Variants in ZDHHC2 observed in about 807,000 individuals in gnomAD.
ZDHHC2 encodes palmitoyltransferase ZDHHC2.
Under a neutral mutation model 55.6 loss-of-function variants are expected in ZDHHC2, and 51 were observed. The observed-to-expected ratio is 0.92, with a 90% CI of 0.73 to 1.16. ZDHHC2 has a LOEUF of 1.16. ZDHHC2 is among the 50% of genes most tolerant of loss of function. The pLI, the probability that ZDHHC2 is intolerant of heterozygous loss-of-function variation, is 0.00. For missense variants in ZDHHC2, 491 were observed against 442.4 expected (o/e 1.11, Z -0.99); for synonymous variants, 199 against 152.9 (o/e 1.30, Z -2.22).
At chr8:17,165,014 T>C (rs1804534554) in intron 1 of ZDHHC2, among the ~76,000 whole-genome samples, 1 of 152,162 alleles carries the variant, frequency 6.6e-6, no homozygotes, top group Admixed American at 6.5e-5. Context: ...TCACCAGATT[T>C]GTAGGGATGT....
intron 7 of ZDHHC2, among the ~76,000 whole-genome samples, chr8:17,207,477 T>G (rs2150941322): frequency 6.6e-6 from 1 of 152,304 alleles, no homozygotes; most frequent in South Asian, 2.1e-4. Context: ...ATGTATTCAT[T>G]TAGTTGATGC....
chr8:17,195,715 A>C, intron 4 of ZDHHC2, 91 bp downstream of exon 4: 1 of 1,494,636 alleles, frequency 6.7e-7, no homozygotes, highest in Admixed American at 1.9e-5. Flanking sequence ...TTGAAATGGT[A>C]AAACACTCAT....
chr8:17,184,416 T>C (rs555492098), intron 1 of ZDHHC2, among the ~76,000 whole-genome samples: 2 of 152,328 alleles, frequency 1.3e-5, no homozygotes, highest in East Asian at 3.9e-4. Flanking sequence ...TCAAGAGCAA[T>C]AAATGCCTGC....
intron 6 of ZDHHC2, 85 bp from the exon 7 acceptor site, chr8:17,205,570 G>A: frequency 1.5e-6 from 2 of 1,366,722 alleles, no homozygotes; most frequent in South Asian, 1.8e-5. Flanking sequence ...TTAGAAGTGA[G>A]AGGAAGCTAA....
At chr8:17,169,060 A>G (rs1231069950) in intron 1 of ZDHHC2, among the ~76,000 whole-genome samples, 1 of 152,132 alleles carries the variant, frequency 6.6e-6, no homozygotes, top group Admixed American at 6.5e-5. Context: ...GGAATTGGTC[A>G]GTCATATGGT....
At chr8:17,197,986 T>C (rs1354254532) in intron 5 of ZDHHC2, among the ~76,000 whole-genome samples, 1 of 152,240 alleles carries the variant, frequency 6.6e-6, no homozygotes, top group Non-Finnish European at 1.5e-5. Context: ...GACGTTGTTA[T>C]ATATTTAATA....
intron 10 of ZDHHC2, among the ~76,000 whole-genome samples, chr8:17,213,579 A>T (rs1465189417): frequency 6.6e-6 from 1 of 152,052 alleles, no homozygotes; most frequent in Admixed American, 6.6e-5. Flanking sequence ...TATAGCTCTT[A>T]TTATCACCTG....
intron 1 of ZDHHC2, among the ~76,000 whole-genome samples, chr8:17,183,487 TAAATCG>T (rs1051408280): frequency 6.6e-6 from 1 of 152,216 alleles, no homozygotes; most frequent in Non-Finnish European, 1.5e-5. Context: ...AGGCCATTTG[TAAATCG>T]AAGGTCATCC....
At position 17,222,139 on chromosome 8, in the gene ZDHHC2, G is replaced by C. The variant is rs1457933212; in HGVS notation, c.*1918G>C. 2.6e-5 allele frequency: 4 copies of C among 151,584 alleles called. No individual in the cohort carries two copies. The East Asian group carries it at 7.7e-4, about 29-fold the overall frequency. The allele number at this position is 151,584 out of a possible 1,614,324, so 9.4% of individuals were successfully genotyped here. ...GTACTGTTAATGCCCCTTTCCCACA[G>C]TCTTTTATATAATTAAATATATGTC... On this transcript the variant is annotated 3_prime_UTR_variant, in exon 13 of 13. Transcript: ENST00000262096.
intron 1 of ZDHHC2, among the ~76,000 whole-genome samples, chr8:17,174,085 T>C (rs1413571696): frequency 6.7e-6 from 1 of 149,064 alleles, no homozygotes; most frequent in Non-Finnish European, 1.5e-5. Flanking sequence ...ATTCTTTTTC[T>C]TCTTCTTCTT....
chr8:17,182,856 G>A (rs889167201), intron 1 of ZDHHC2, among the ~76,000 whole-genome samples: 1 of 152,136 alleles, frequency 6.6e-6, no homozygotes, highest in South Asian at 2.1e-4. Context: ...CTGCCTCCCG[G>A]GTTCAAGCGA....
chr8:17,203,168 T>C (rs1025508187), intron 6 of ZDHHC2, among the ~76,000 whole-genome samples: 1 of 151,204 alleles, frequency 6.6e-6, no homozygotes, highest in African/African-American at 2.4e-5. Context: ...CAAGCAGTTC[T>C]TCTACCACAG....
At chr8:17,192,166 T>G (rs1308976171) in intron 3 of ZDHHC2, among the ~76,000 whole-genome samples, 1 of 152,106 alleles carries the variant, frequency 6.6e-6, no homozygotes, top group Non-Finnish European at 1.5e-5. Context: ...TTTAATTTTT[T>G]GTAGAGATGA....
At chr8:17,161,486 T>G (rs528555233) in intron 1 of ZDHHC2, among the ~76,000 whole-genome samples, 1 of 152,358 alleles carries the variant, frequency 6.6e-6, no homozygotes, top group African/African-American at 2.4e-5. Flanking sequence ...AATATTAAAA[T>G]AGTTTTAAGT....
intron 1 of ZDHHC2, among the ~76,000 whole-genome samples, chr8:17,158,561 G>C (rs1036680014): frequency 6.6e-6 from 1 of 152,172 alleles, no homozygotes; most frequent in Non-Finnish European, 1.5e-5. Context: ...TATTGTATTG[G>C]GTAGACAGGT....
At chr8:17,165,816 T>G (rs1585644028) in intron 1 of ZDHHC2, among the ~76,000 whole-genome samples, 1 of 152,236 alleles carries the variant, frequency 6.6e-6, no homozygotes, top group Admixed American at 6.5e-5. Context: ...GGAGAAGAAC[T>G]CATGAAATTT....
At chr8:17,179,183 C>T (rs892017063) in intron 1 of ZDHHC2, among the ~76,000 whole-genome samples, 2 of 152,116 alleles carry the variant, frequency 1.3e-5, no homozygotes, top group African/African-American at 4.8e-5. Context: ...AACTCCTGGC[C>T]TCAAAACTAT....
chr8:17,192,627 A>G (rs568695464), intron 3 of ZDHHC2, among the ~76,000 whole-genome samples: 1 of 152,218 alleles, frequency 6.6e-6, no homozygotes, highest in Non-Finnish European at 1.5e-5. Context: ...TTTTAACTTG[A>G]TGTGATCCCA....
rs1352549821 is a variant in ZDHHC2, at chr8:17,210,465, A to G, written c.935A>G (p.Asn312Ser). The change falls in exon 10 of 13, where the codon AAT (asparagine) becomes AGT (serine). Residue 312 changes from asparagine to serine, a missense_variant. Physicochemically the swap from Asn to Ser is conservative, Grantham distance 46. Transcript: ENST00000262096. ...PEQASTPAGL[N>S]STAKNLENHQ... ...CAAGCATCTACTCCTGCAGGGCTGA[A>G]TTCCACAGCTAAAAAGTAATCTCAT... is the stretch of plus-strand genomic sequence containing the variant. 6.2e-7 allele frequency: 1 copy of G among 1,609,540 alleles called. No homozygotes were observed. Among genetic ancestry groups the G allele is most frequent in the South Asian group, 1.1e-5 (1 of 89,914 alleles).
Sources: gnomAD v4.1 joint callset for allele counts (sites outside exome capture counted in the v4.1 genomes callset) on GRCh38, gnomAD v4.1.1 for gene constraint, MANE v1.5 for transcripts, NCBI Gene and HGNC (gene_info 2026-07-23, HGNC 2026-07-21) for gene names.